The following KSR1 variants were observed in gnomAD, a reference collection of about 807,000 sequenced individuals.
KSR1 encodes kinase suppressor of ras.
A neutral mutation model predicts 92.9 loss-of-function variants in KSR1; 35 were observed. The observed-to-expected ratio is 0.38, with a 90% CI of 0.29 to 0.50. KSR1 has a LOEUF of 0.50. Ranked by LOEUF, KSR1 falls within the 20% of genes least tolerant of loss-of-function variation. KSR1 has a pLI of 0.94. For synonymous variants in KSR1, 467 were observed against 472.6 expected, an observed-to-expected ratio of 0.99 and a Z score of 0.15; for missense variants, 972 against 1,158.5, an observed-to-expected ratio of 0.84 and a Z score of 2.34.
At chr17:27,544,579 C>G (rs750544724) in intron 1 of KSR1, among the ~76,000 whole-genome samples, 2 of 152,208 alleles carry the variant, frequency 1.3e-5, no homozygotes, top group Non-Finnish European at 2.9e-5. Flanking sequence ...GGTGGGCCCA[C>G]AGTACATTCT....
At chr17:27,519,283 T>A (rs1041595491) in intron 1 of KSR1, among the ~76,000 whole-genome samples, 6 of 152,136 alleles carry the variant, frequency 3.9e-5, no homozygotes, top group Non-Finnish European at 5.9e-5. Context: ...GCACCCACTC[T>A]CCAGTTGCAG....
chr17:27,562,975 A>G (rs2071892850), intron 2 of KSR1, among the ~76,000 whole-genome samples: 1 of 152,058 alleles, frequency 6.6e-6, no homozygotes, highest in South Asian at 2.1e-4. Flanking sequence ...CTTGCTGGAA[A>G]CCTGGGAGTC....
intron 3 of KSR1, chr17:27,579,540 AAAGTGTTG>A (rs1453651388): frequency 6.6e-6 from 1 of 152,162 alleles, no homozygotes; most frequent in Non-Finnish European, 1.5e-5. Flanking sequence ...GAGGTGATAG[AAAGTGTTG>A]AAGTCATTTC....
intron 1 of KSR1, among the ~76,000 whole-genome samples, chr17:27,480,646 G>C (rs1393286259): frequency 6.6e-6 from 1 of 152,146 alleles, no homozygotes; most frequent in African/African-American, 2.4e-5. Context: ...CGATCCACCC[G>C]CTTCGGCCTC....
In KSR1 at chr17:27,610,205, A is replaced by G. The variant is rs1320061940; in HGVS notation, c.2357+7A>G. The G allele has an allele frequency of 1.2e-6, 2 of 1,613,638 alleles. No homozygotes were observed. Among genetic ancestry groups the G allele is most frequent in the East Asian group, 4.5e-5 (2 of 44,888 alleles). On this transcript the variant is annotated splice_region_variant and intron_variant, in intron 17 of 20. Transcript: ENST00000644974. ...CTGATGTCTATGCATTTGGGTGAGT[A>G]GGCCCCTGGTGCCCTGAGGCCAAGT...
At chr17:27,568,476 A>T (rs1172080197) in intron 2 of KSR1, among the ~76,000 whole-genome samples, 3 of 152,204 alleles carry the variant, frequency 2.0e-5, no homozygotes, top group Non-Finnish European at 4.4e-5. Context: ...TCACTGGCTG[A>T]ATTCCGAGCT....
chr17:27,520,743 C>G (rs532109636), intron 1 of KSR1, among the ~76,000 whole-genome samples: 1 of 152,356 alleles, frequency 6.6e-6, no homozygotes, highest in South Asian at 2.1e-4. Flanking sequence ...GCCTCCAACT[C>G]TCACTGGCCT....
chr17:27,475,807 G>A (rs2068323757), intron 1 of KSR1, among the ~76,000 whole-genome samples: 1 of 152,270 alleles, frequency 6.6e-6, no homozygotes, highest in East Asian at 1.9e-4. Flanking sequence ...GCATGCGATG[G>A]GTGGGTCATC....
rs986712909 is a variant in KSR1, at chr17:27,623,914, A to G, written c.*522A>G. ...CTAGGGCTCTCCCCTTGTCCTTTCA[A>G]AGGGATACTGCCCCTTCCTCGTCTT... On this transcript the variant is annotated 3_prime_UTR_variant, in exon 21 of 21. Transcript: ENST00000644974. 2.9e-6 allele frequency: 1 copy of G among 344,398 alleles called. No individual in the cohort carries two copies. Among genetic ancestry groups the G allele is most frequent in the Non-Finnish European group, 5.2e-6 (1 of 193,538 alleles). 21.3% of individuals were successfully genotyped at this position (344,398 alleles called of 1,614,324 possible).
chr17:27,610,021 G>C, intron 16 of KSR1, 46 bp from the exon 17 acceptor site: 1 of 1,608,304 alleles, frequency 6.2e-7, no homozygotes, highest in Non-Finnish European at 8.5e-7. Context: ...CCTCTTTGCT[G>C]CCTGCTGAAA....
At chr17:27,618,959 G>T (rs755615879) in intron 19 of KSR1, among the ~76,000 whole-genome samples, 1 of 152,162 alleles carries the variant, frequency 6.6e-6, no homozygotes, top group African/African-American at 2.4e-5. Context: ...GCCTCCCAAA[G>T]TGCTAGGATT....
Position 27,565,852 on chromosome 17 carries a change from G to A in KSR1, c.373-11640G>A, listed in dbSNP as rs551856497. On this transcript the variant is annotated intron_variant, in intron 2 of 20. Coordinates refer to ENST00000644974, the MANE Select transcript of KSR1 (RefSeq NM_001394583.1). ...CACATAACCCTGCCAGCCACTGATAGCCAGCACTTAACTGTTTTCTACATT... is the reference window on the plus strand; with the variant it reads ...CACATAACCCTGCCAGCCACTGATAACCAGCACTTAACTGTTTTCTACATT... Among the ~76,000 whole-genome samples, 18 of 152,300 alleles carry A rather than the reference G, an allele frequency of 1.2e-4. 1 individual carries two copies. In the South Asian group the frequency reaches 3.7e-3, roughly 32 times the overall value.
At chr17:27,597,511 A>G in intron 10 of KSR1, 75 bp downstream of exon 10, 1 of 1,459,770 alleles carries the variant, frequency 6.9e-7, no homozygotes, top group Non-Finnish European at 9.2e-7. Context: ...CAAGTTCGGC[A>G]GATTCAAGGT....
chr17:27,482,827 G>A (rs1460037820), intron 1 of KSR1, among the ~76,000 whole-genome samples: 1 of 152,174 alleles, frequency 6.6e-6, no homozygotes, highest in East Asian at 1.9e-4. Context: ...GTTGTTAAAG[G>A]TGAGTGGTTT....
chr17:27,520,059 G>A (rs1281272453), intron 1 of KSR1, among the ~76,000 whole-genome samples: 1 of 152,214 alleles, frequency 6.6e-6, no homozygotes, highest in Non-Finnish European at 1.5e-5. Flanking sequence ...GCTGATGTCA[G>A]GCCCTTTGTT....
At chr17:27,608,255 G>A (rs535089358) in intron 15 of KSR1, among the ~76,000 whole-genome samples, 1 of 152,166 alleles carries the variant, frequency 6.6e-6, no homozygotes, top group African/African-American at 2.4e-5. Flanking sequence ...AAGGAACTTG[G>A]CAGGCTTTAG....
At chr17:27,605,926 A>C (rs1415428847) in intron 14 of KSR1, 113 bp downstream of exon 14, 8 of 1,367,568 alleles carry the variant, frequency 5.8e-6, no homozygotes, top group Non-Finnish European at 8.0e-6. Context: ...AGAGGCATAA[A>C]GAAGAAAACC....
Position 27,489,664 on chromosome 17 carries a change from G to A in KSR1, c.231+32790G>A, listed in dbSNP as rs2068764042. On this transcript the variant is annotated intron_variant, in intron 1 of 20. Transcript: ENST00000644974. ...GAGTGAAAGTCAGAGACAGTGAATT[G>A]GAGGTTGGGGCCCTAGCCTGCTTTT... 2.0e-5 allele frequency among the ~76,000 whole-genome samples: 3 copies of A among 152,182 alleles called. No homozygotes were observed. In the South Asian group the frequency reaches 6.2e-4, roughly 32 times the overall value.
At chr17:27,494,948 C>A (rs1270769380) in intron 1 of KSR1, among the ~76,000 whole-genome samples, 2 of 152,198 alleles carry the variant, frequency 1.3e-5, no homozygotes, top group Non-Finnish European at 2.9e-5. Context: ...CCCAGGTGAT[C>A]CTGCTCCCAT....
Sources: allele counts gnomAD v4.1 joint callset (sites outside exome capture counted in the v4.1 genomes callset), GRCh38; gene constraint gnomAD v4.1.1; transcripts MANE v1.5; gene names NCBI Gene and HGNC (gene_info 2026-07-23, HGNC 2026-07-21).